The following CSGALNACT1 variants were observed in gnomAD, a reference collection of about 807,000 sequenced individuals.
CSGALNACT1 encodes the protein chondroitin sulfate N-acetylgalactosaminyltransferase 1, also known as beta4GalNAcT-1.
CSGALNACT1 carries 52 observed loss-of-function variants against 51.0 expected under a neutral mutation model. The ratio of observed to expected loss-of-function variants is 1.02; its 90% confidence interval spans 0.82 to 1.29. The LOEUF (loss-of-function observed/expected upper bound fraction) is 1.29, where lower values mean the gene tolerates loss of function less well. CSGALNACT1 is among the 50% of genes most tolerant of loss of function. CSGALNACT1 has a pLI of 0.00. For synonymous variants in CSGALNACT1, 341 were observed against 254.4 expected (o/e 1.34, Z -3.24); for missense variants, 935 against 679.2 (o/e 1.38, Z -4.19).
At position 19,666,980 on chromosome 8, in the gene CSGALNACT1, AAAG is replaced by A. The variant is rs1564385318; in HGVS notation, c.-544+15490_-544+15492del. On this transcript the variant is annotated intron_variant, in intron 1 of 9. Coordinates refer to the CSGALNACT1 transcript ENST00000332246. Reference sequence around the variant, plus strand: ...GAAAGAAAGAAAGAAAGAAAGAAAGAAAGAAAGAAAGAAAGAAAGAAAGAAAGA... The same window carrying A: ...GAAAGAAAGAAAGAAAGAAAGAAAGAAAAGAAAGAAAGAAAGAAAGAAAGA... Among the ~76,000 whole-genome samples, 18 of 13,754 alleles carry A rather than the reference AAAG, an allele frequency of 1.3e-3. 1 individual carries two copies. Among genetic ancestry groups the A allele is most frequent in the African/African-American group, 8.9e-3 (17 of 1,910 alleles). 9.0% of individuals were successfully genotyped at this position (13,754 alleles called of 152,430 possible).
At chr8:19,670,287 CTTTTGTGGAATTGAAT>C (rs975453170) in intron 1 of CSGALNACT1, among the ~76,000 whole-genome samples, 3 of 152,136 alleles carry the variant, frequency 2.0e-5, no homozygotes, top group African/African-American at 7.2e-5. Context: ...TCTCAGTGAG[CTTTTGTGGAATTGAAT>C]AATCTGTTAC....
At chr8:19,603,087 C>G (rs1399500617), upstream of CSGALNACT1, among the ~76,000 whole-genome samples, 1 of 121,416 alleles carries the variant, frequency 8.2e-6, no homozygotes, top group Non-Finnish European at 1.8e-5. Context: ...CACACACACA[C>G]AGAATTGCTC....
intron 5 of CSGALNACT1, among the ~76,000 whole-genome samples, chr8:19,446,719 G>A (rs1447294020): frequency 6.6e-6 from 1 of 152,054 alleles, no homozygotes; most frequent in East Asian, 1.9e-4. Flanking sequence ...TCACCATGTT[G>A]GCCAGGCTGG....
intron 3 of CSGALNACT1, among the ~76,000 whole-genome samples, chr8:19,514,286 C>G (rs1372053105): frequency 6.6e-6 from 1 of 151,562 alleles, no homozygotes; most frequent in African/African-American, 2.4e-5. Flanking sequence ...GCCCTGACAC[C>G]GAGCTACTTA....
chr8:19,507,689 G>C (rs1464111718), intron 3 of CSGALNACT1, among the ~76,000 whole-genome samples: 1 of 152,092 alleles, frequency 6.6e-6, no homozygotes, highest in Non-Finnish European at 1.5e-5. Context: ...ATGCAGTGGC[G>C]CGATCTCTGC....
rs969453936 is a variant in CSGALNACT1, at chr8:19,651,908, GCTGT to G, written c.-544+30561_-544+30564del. On this transcript the variant is annotated intron_variant, in intron 1 of 9. Transcript: ENST00000332246. ...TGTGTTTCCTTTTCTCTACAACCTC[GCTGT>G]CTGTTTTTTTTTGTTTTGTTTTGTT... is the stretch of plus-strand genomic sequence containing the variant. Among the ~76,000 whole-genome samples, 334 of 130,252 alleles carry G rather than the reference GCTGT, an allele frequency of 2.6e-3. 1 individual carries two copies. Among genetic ancestry groups the G allele is most frequent in the African/African-American group, 8.6e-3 (302 of 35,040 alleles). 85.5% of individuals were successfully genotyped at this position (130,252 alleles called of 152,430 possible). A position where few individuals can be genotyped will look rare whatever the true frequency, so the allele number is the denominator to read the frequency against.
chr8:19,594,214 A>T (rs1219097972), intron 2 of CSGALNACT1, among the ~76,000 whole-genome samples: 1 of 152,198 alleles, frequency 6.6e-6, no homozygotes, highest in Non-Finnish European at 1.5e-5. Flanking sequence ...AAGGCACGGA[A>T]AAGGAGATTA....
At chr8:19,737,643 GAA>G (rs2064066577) in intron 1 of CSGALNACT1, among the ~76,000 whole-genome samples, 1 of 151,746 alleles carries the variant, frequency 6.6e-6, no homozygotes, top group African/African-American at 2.4e-5. Context: ...AAGAAGGAGA[GAA>G]AATGAAACAT....
chr8:19,593,695 G>A (rs1181839660), intron 2 of CSGALNACT1, among the ~76,000 whole-genome samples: 2 of 152,224 alleles, frequency 1.3e-5, no homozygotes, highest in Non-Finnish European at 2.9e-5. Context: ...ACTCAGTACA[G>A]AGAAAAAGAT....
At chr8:19,558,160 A>C (rs2154092962) in intron 3 of CSGALNACT1, among the ~76,000 whole-genome samples, 4 of 152,328 alleles carry the variant, frequency 2.6e-5, no homozygotes, top group African/African-American at 9.6e-5. Context: ...TTGTGAAGCT[A>C]CCATTTGATG....
intron 5 of CSGALNACT1, among the ~76,000 whole-genome samples, chr8:19,453,118 A>T (rs2063494097): frequency 1.3e-5 from 2 of 152,216 alleles, no homozygotes; most frequent in African/African-American, 4.8e-5. Context: ...AAATTAAAAG[A>T]AAAAGTTAAG....
chr8:19,610,203 T>C (rs1479269392), intron 1 of CSGALNACT1, among the ~76,000 whole-genome samples: 4 of 148,824 alleles, frequency 2.7e-5, no homozygotes, highest in Non-Finnish European at 4.4e-5. Context: ...GGCAGGAGAA[T>C]TGCTTGAACC....
intron 1 of CSGALNACT1, among the ~76,000 whole-genome samples, chr8:19,632,328 C>T (rs892810047): frequency 1.3e-5 from 2 of 152,228 alleles, no homozygotes; most frequent in African/African-American, 4.8e-5. Context: ...TGAGCAAGAT[C>T]AAACCATGTA....
At chr8:19,536,301 C>A (rs750506461) in intron 3 of CSGALNACT1, among the ~76,000 whole-genome samples, 3 of 151,342 alleles carry the variant, frequency 2.0e-5, no homozygotes, top group South Asian at 2.1e-4. Flanking sequence ...AATCTTTGTA[C>A]CTTCTTCATT....
At chr8:19,542,742 T>C (rs1588088237) in intron 3 of CSGALNACT1, among the ~76,000 whole-genome samples, 1 of 150,466 alleles carries the variant, frequency 6.6e-6, no homozygotes, top group Non-Finnish European at 1.5e-5. Flanking sequence ...AACCCCATCA[T>C]TTTTTTTTAG....
intron 1 of CSGALNACT1, among the ~76,000 whole-genome samples, chr8:19,676,096 CAAAACAA>C (rs1468654488): frequency 1.8e-5 from 2 of 112,442 alleles, no homozygotes; most frequent in African/African-American, 3.6e-5. Flanking sequence ...AAAAACAAAA[CAAAACAA>C]AAAAAACTCC....
At chr8:19,413,521 G>A (rs12679712) in intron 8 of CSGALNACT1, among the ~76,000 whole-genome samples, 3 of 152,068 alleles carry the variant, frequency 2.0e-5, no homozygotes, top group South Asian at 2.1e-4. Flanking sequence ...GGTATTCAGC[G>A]GGTGTATGTT....
At chr8:19,631,299 T>C (rs974810378) in intron 1 of CSGALNACT1, among the ~76,000 whole-genome samples, 2 of 152,196 alleles carry the variant, frequency 1.3e-5, no homozygotes, top group African/African-American at 4.8e-5. Context: ...CAAGTGGCTA[T>C]ACCATTTTGC....
chr8:19,513,011 C>T (rs1243113504), intron 3 of CSGALNACT1, among the ~76,000 whole-genome samples: 2 of 152,288 alleles, frequency 1.3e-5, no homozygotes, highest in Admixed American at 6.5e-5. Context: ...GGCAGCACAA[C>T]CCACCAAGCT....
Sources: allele counts gnomAD v4.1 joint callset (sites outside exome capture counted in the v4.1 genomes callset), GRCh38; gene constraint gnomAD v4.1.1; transcripts MANE v1.5; gene names NCBI Gene and HGNC (gene_info 2026-07-23, HGNC 2026-07-21).